FLRT1: variants seen among roughly 807,000 people sequenced by gnomAD.
FLRT1 encodes the protein fibronectin leucine rich transmembrane protein 1.
Under a neutral mutation model 30.9 loss-of-function variants are expected in FLRT1, and 14 were observed. The ratio of observed to expected loss-of-function variants is 0.45; its 90% CI spans 0.30 to 0.71. The LOEUF (loss-of-function observed/expected upper bound fraction) is 0.71. FLRT1 is among the 30% of genes least tolerant of loss of function. The pLI is 0.08. For synonymous variants in FLRT1, 368 were observed against 430.4 expected (o/e 0.85, Z 1.80); for missense variants, 737 against 949.2 (o/e 0.78, Z 2.94).
intron 1 of FLRT1, among the ~76,000 whole-genome samples, chr11:64,085,402 C>T (rs911452680): frequency 6.6e-5 from 10 of 152,290 alleles, no homozygotes; most frequent in Admixed American, 1.3e-4. Context: ...GCCTGCCTTC[C>T]GGGGACGGAG....
intron 2 of FLRT1, among the ~76,000 whole-genome samples, chr11:64,111,432 C>G: frequency 6.6e-6 from 1 of 152,228 alleles, no homozygotes; most frequent in East Asian, 1.9e-4. Context: ...TAGCATTGCC[C>G]TGTGCTACCT....
intron 2 of FLRT1, among the ~76,000 whole-genome samples, chr11:64,110,282 T>C (rs910266385): frequency 6.6e-6 from 1 of 152,036 alleles, no homozygotes; most frequent in South Asian, 2.1e-4. Flanking sequence ...AAACCCCATC[T>C]CTGCAAAAAA....
In FLRT1 at chr11:64,046,555, CT is replaced by C. The variant is rs375309299; in HGVS notation, c.-1038+10403del. ...CATGCACACTCCTGATTGGCCCGTT[CT>C]TTTTTTCTTTTTGAGACGGAGTTTT... On this transcript the variant is annotated intron_variant, in intron 1 of 2. Transcript: ENST00000682287. Among the ~76,000 whole-genome samples, 201 of 152,294 alleles carry C rather than the reference CT, an allele frequency of 1.3e-3. 1 individual carries two copies. In the Middle Eastern group the frequency reaches 0.027, roughly 21 times the overall value.
At chr11:64,049,750 G>A (rs1943655567) in intron 1 of FLRT1, among the ~76,000 whole-genome samples, 1 of 152,210 alleles carries the variant, frequency 6.6e-6, no homozygotes, top group South Asian at 2.1e-4. Context: ...GAGGGGGATC[G>A]GTTTCTCCAT....
chr11:64,077,057 A>G (rs1939264), intron 1 of FLRT1, among the ~76,000 whole-genome samples: 24,994 of 150,840 alleles, frequency 0.17, 2,912 homozygotes, highest in East Asian at 0.41. Flanking sequence ...AGGGCAGGGT[A>G]GGGGGGTCCA....
intron 1 of FLRT1, among the ~76,000 whole-genome samples, chr11:64,101,956 T>C (rs1476283624): frequency 6.6e-6 from 1 of 152,126 alleles, no homozygotes; most frequent in Non-Finnish European, 1.5e-5. Context: ...CCAAATGCCT[T>C]CCCTGCCAGG....
chr11:64,095,982 C>CT (rs965327314), intron 1 of FLRT1, among the ~76,000 whole-genome samples: 4 of 34,356 alleles, frequency 1.2e-4, no homozygotes, highest in Admixed American at 9.8e-4. Flanking sequence ...CCCCCCACCC[C>CT]CCAGGGGCCC....
At chr11:64,075,592 C>T (rs892620816) in intron 1 of FLRT1, among the ~76,000 whole-genome samples, 1 of 152,224 alleles carries the variant, frequency 6.6e-6, no homozygotes, top group Non-Finnish European at 1.5e-5. Flanking sequence ...AGATCCTTGT[C>T]CCATTCCATC....
At chr11:64,049,280 A>G (rs538995141) in intron 1 of FLRT1, among the ~76,000 whole-genome samples, 63 of 152,278 alleles carry the variant, frequency 4.1e-4, no homozygotes, top group African/African-American at 1.5e-3. Flanking sequence ...GAGAAGCGAA[A>G]AAGGGACTGG....
intron 1 of FLRT1, among the ~76,000 whole-genome samples, chr11:64,085,160 T>G (rs1008370589): frequency 6.6e-6 from 1 of 152,064 alleles, no homozygotes; most frequent in African/African-American, 2.4e-5. Flanking sequence ...GGATGGGGCT[T>G]GAGGGCAGAG....
At chr11:64,084,754 G>C (rs1944365031) in intron 1 of FLRT1, among the ~76,000 whole-genome samples, 1 of 152,176 alleles carries the variant, frequency 6.6e-6, no homozygotes, top group South Asian at 2.1e-4. Context: ...TCGTGCCTTG[G>C]TGACCCCAGC....
chr11:64,061,641 A>T (rs1943905732), intron 1 of FLRT1, among the ~76,000 whole-genome samples: 1 of 151,768 alleles, frequency 6.6e-6, no homozygotes, highest in South Asian at 2.1e-4. Context: ...TTAGGCAGCT[A>T]GGGCACTTTT....
chr11:64,042,751 G>A (rs1943512543), intron 1 of FLRT1, among the ~76,000 whole-genome samples: 1 of 152,190 alleles, frequency 6.6e-6, no homozygotes, highest in Admixed American at 6.5e-5. Flanking sequence ...TCTGGACAAG[G>A]GGTTGGACCA....
intron 1 of FLRT1, among the ~76,000 whole-genome samples, chr11:64,055,697 AGATGGATGGATGGATGGAT>A (rs1943772464): frequency 1.3e-5 from 2 of 152,158 alleles, no homozygotes; most frequent in Non-Finnish European, 2.9e-5. Flanking sequence ...ATGGGTGGAC[AGATGGATGGATGGATGGAT>A]GATGGGCCAT....
intron 1 of FLRT1, among the ~76,000 whole-genome samples, chr11:64,068,089 C>CGAAGTTGAAGTAAAATTAAG (rs1944039557): frequency 6.6e-6 from 1 of 152,150 alleles, no homozygotes; most frequent in South Asian, 2.1e-4. Context: ...CGGAGCCGGG[C>CGAAGTTGAAGTAAAATTAAG]GAAGTTGAAG....
chr11:64,065,297 C>T (rs1283289753), intron 1 of FLRT1, among the ~76,000 whole-genome samples: 2 of 152,116 alleles, frequency 1.3e-5, no homozygotes, highest in Non-Finnish European at 2.9e-5. Flanking sequence ...GGCGGGCAAG[C>T]GTCAGCTGCC....
rs1944115257 is a variant in FLRT1, at chr11:64,071,957, G to T, written c.-1037-31237G>T. On this transcript the variant is annotated intron_variant, in intron 1 of 2. Transcript: ENST00000682287. ...GGTCCCGGCTCTGCAGTCTGGAGAGGCCTCAGCTGCCGAGGGGAACGGGCT... is the reference window on the plus strand; with the variant it reads ...GGTCCCGGCTCTGCAGTCTGGAGAGTCCTCAGCTGCCGAGGGGAACGGGCT... Among the ~76,000 whole-genome samples the T allele has an allele frequency of 2.6e-5, 4 of 152,318 alleles. No homozygotes were observed. The South Asian group carries it at 8.3e-4, about 32-fold the overall frequency.
chr11:64,039,631 G>A (rs1943448174), intron 1 of FLRT1, among the ~76,000 whole-genome samples: 1 of 152,224 alleles, frequency 6.6e-6, no homozygotes, highest in Non-Finnish European at 1.5e-5. Flanking sequence ...CAGCCTGCCT[G>A]GAGTTCTCTG....
At chr11:64,106,441 C>CA (rs1490460563) in intron 2 of FLRT1, among the ~76,000 whole-genome samples, 2 of 152,298 alleles carry the variant, frequency 1.3e-5, no homozygotes, top group East Asian at 3.9e-4. Flanking sequence ...GGCTCCATGC[C>CA]AGGCACAAGG....
Sources: allele counts gnomAD v4.1 joint callset (sites outside exome capture counted in the v4.1 genomes callset), GRCh38; gene constraint gnomAD v4.1.1; transcripts MANE v1.5; gene names NCBI Gene and HGNC (gene_info 2026-07-23, HGNC 2026-07-21).